The following SRPK2 variants were observed in gnomAD, a reference collection of about 807,000 sequenced individuals.
The protein encoded by SRPK2 is SFRS protein kinase 2.
Under a neutral mutation model 90.8 loss-of-function variants are expected in SRPK2, and 21 were observed. The ratio of observed to expected loss-of-function variants is 0.23; its 90% confidence interval spans 0.16 to 0.33. The LOEUF (loss-of-function observed/expected upper bound fraction) is 0.33, where lower values mean the gene tolerates loss of function less well. SRPK2 is among the 10% of genes least tolerant of loss of function. SRPK2 has a pLI of 1.00. For synonymous variants in SRPK2, 288 were observed against 311.1 expected (o/e 0.93, Z 0.78); for missense variants, 620 against 869.0 (o/e 0.71, Z 3.60).
At chr7:105,196,224 G>C (rs1794897257) in intron 3 of SRPK2, among the ~76,000 whole-genome samples, 1 of 152,174 alleles carries the variant, frequency 6.6e-6, no homozygotes, top group African/African-American at 2.4e-5. Flanking sequence ...TCTTTTTAAG[G>C]CTTGAATTAA....
At chr7:105,394,101 T>C (rs1822254849), upstream of SRPK2, among the ~76,000 whole-genome samples, 2 of 152,062 alleles carry the variant, frequency 1.3e-5, no homozygotes, top group South Asian at 4.1e-4. Context: ...AATCATACAA[T>C]ACGTGGCCTT....
chr7:105,345,072 G>T (rs1816296819), intron 2 of SRPK2, among the ~76,000 whole-genome samples: 2 of 151,760 alleles, frequency 1.3e-5, no homozygotes, highest in African/African-American at 4.8e-5. Flanking sequence ...GGAGGCGGAG[G>T]TTACAGTGAG....
chr7:105,367,647 T>C (rs895652174), intron 2 of SRPK2, among the ~76,000 whole-genome samples: 2 of 152,172 alleles, frequency 1.3e-5, no homozygotes, highest in African/African-American at 4.8e-5. Context: ...ATTACAGCAG[T>C]ATGGCATATA....
intron 3 of SRPK2, among the ~76,000 whole-genome samples, chr7:105,170,953 AAGAAAGAAAGAAAG>A (rs750604098): frequency 0.074 from 3,429 of 46,446 alleles, 311 homozygotes; most frequent in Non-Finnish European, 0.14. Flanking sequence ...GAAAGAAAGA[AAGAAAGAAAGAAAG>A]AGAAAGAAAG....
chr7:105,290,318 C>A (rs1203264454), intron 2 of SRPK2, among the ~76,000 whole-genome samples: 1 of 149,004 alleles, frequency 6.7e-6, no homozygotes, highest in Non-Finnish European at 1.5e-5. Flanking sequence ...ATAAAACAAA[C>A]AAACAAACAA....
chr7:105,285,975 A>G (rs1808050237), intron 2 of SRPK2, among the ~76,000 whole-genome samples: 1 of 152,240 alleles, frequency 6.6e-6, no homozygotes, highest in Non-Finnish European at 1.5e-5. Flanking sequence ...ACATGCATCT[A>G]TTTGCTTTAC....
At chr7:105,128,199 T>TGAAG (rs1422938666) in intron 13 of SRPK2, among the ~76,000 whole-genome samples, 2 of 152,040 alleles carry the variant, frequency 1.3e-5, no homozygotes, top group Non-Finnish European at 2.9e-5. Flanking sequence ...GTCAATCACT[T>TGAAG]GAAGGAAGGA....
At chr7:105,274,855 G>A (rs1806277324) in intron 2 of SRPK2, among the ~76,000 whole-genome samples, 1 of 151,452 alleles carries the variant, frequency 6.6e-6, no homozygotes, top group South Asian at 2.1e-4. Flanking sequence ...TCCAATTAAA[G>A]CCTTCTTCCT....
intron 2 of SRPK2, chr7:105,268,931 CAA>C (rs1310963233): frequency 6.6e-7 from 1 of 1,525,596 alleles, no homozygotes; most frequent in Non-Finnish European, 8.9e-7. Flanking sequence ...AGCCTTATAT[CAA>C]GAGATTTTTC....
chr7:105,331,082 A>G (rs1814259812), intron 2 of SRPK2, among the ~76,000 whole-genome samples: 1 of 152,144 alleles, frequency 6.6e-6, no homozygotes, highest in East Asian at 1.9e-4. Flanking sequence ...TAGGTGGTTC[A>G]CTTGAGGTCA....
intron 2 of SRPK2, among the ~76,000 whole-genome samples, chr7:105,333,581 A>T (rs1814698744): frequency 6.6e-6 from 1 of 152,240 alleles, no homozygotes; most frequent in African/African-American, 2.4e-5. Context: ...ATATTCCCTG[A>T]AAAGTATGTC....
intron 2 of SRPK2, chr7:105,205,958 T>C: frequency 3.9e-6 from 2 of 518,980 alleles, no homozygotes; most frequent in South Asian, 1.4e-5. Context: ...TTGAGTTTGC[T>C]GTAGAAACTA....
At chr7:105,149,570 T>C (rs984050169) in intron 7 of SRPK2, among the ~76,000 whole-genome samples, 6 of 152,206 alleles carry the variant, frequency 3.9e-5, no homozygotes, top group Non-Finnish European at 7.3e-5. Flanking sequence ...CTGTTGTTTC[T>C]CTATACTTTG....
At chr7:105,167,802 G>A (rs1414632132) in intron 5 of SRPK2, among the ~76,000 whole-genome samples, 2 of 151,892 alleles carry the variant, frequency 1.3e-5, no homozygotes, top group Non-Finnish European at 2.9e-5. Context: ...GCAGAGATGG[G>A]GTTTCACCGT....
chr7:105,208,013 G>GAT (rs1351579026), intron 2 of SRPK2, among the ~76,000 whole-genome samples: 1 of 152,030 alleles, frequency 6.6e-6, no homozygotes, highest in African/African-American at 2.4e-5. Flanking sequence ...CTACAAAGAG[G>GAT]ATATACACAT....
intron 3 of SRPK2, among the ~76,000 whole-genome samples, chr7:105,175,275 A>C (rs1342828207): frequency 2.6e-5 from 4 of 152,146 alleles, no homozygotes; most frequent in Non-Finnish European, 4.4e-5. Context: ...TTCAAAAATA[A>C]CCCATGGGAT....
At chr7:105,143,655 G>T (rs535429847) in intron 9 of SRPK2, 77 of 287,498 alleles carry the variant, frequency 2.7e-4, no homozygotes, top group Middle Eastern at 2.4e-3. Context: ...AGCTCCTCTT[G>T]CAAGTTTTAT....
intron 2 of SRPK2, among the ~76,000 whole-genome samples, chr7:105,253,540 A>C (rs995844448): frequency 6.6e-6 from 1 of 152,070 alleles, no homozygotes; most frequent in Non-Finnish European, 1.5e-5. Context: ...TTTCCCGCTT[A>C]TGCAAGTATT....
chr7:105,260,217 G>C (rs1258847850), intron 2 of SRPK2, among the ~76,000 whole-genome samples: 1 of 152,128 alleles, frequency 6.6e-6, no homozygotes, highest in African/African-American at 2.4e-5. Flanking sequence ...CAAAAAGTGG[G>C]CAAAGGATAT....
Sources: allele counts gnomAD v4.1 joint callset (sites outside exome capture counted in the v4.1 genomes callset), GRCh38; gene constraint gnomAD v4.1.1; transcripts MANE v1.5; gene names NCBI Gene and HGNC (gene_info 2026-07-23, HGNC 2026-07-21).